TENM2: variants seen among roughly 807,000 people sequenced by gnomAD.
TENM2 encodes the protein teneurin transmembrane protein 2, also known as teneurin-2.
TENM2 carries 52 observed loss-of-function variants against 245.2 expected under a neutral mutation model. The ratio of observed to expected loss-of-function variants is 0.21; its 90% CI spans 0.17 to 0.27. The LOEUF (loss-of-function observed/expected upper bound fraction) is 0.27, where lower values mean the gene tolerates loss of function less well. Among genes scored for constraint, TENM2 ranks in the 10% least tolerant of loss-of-function variants. The pLI is 1.00. For synonymous variants in TENM2, 1,363 were observed against 1,438.9 expected (o/e 0.95, Z 1.19); for missense variants, 3,046 against 3,666.8 (o/e 0.83, Z 4.37).
intron 9 of TENM2, among the ~76,000 whole-genome samples, chr5:168,113,388 A>C (rs989380303): frequency 4.6e-5 from 7 of 152,152 alleles, no homozygotes; most frequent in Admixed American, 6.5e-5. Flanking sequence ...AATTTTTTAA[A>C]TACATTATTT....
intron 2 of TENM2, among the ~76,000 whole-genome samples, chr5:167,400,588 T>C (rs1426738723): frequency 6.6e-6 from 1 of 151,684 alleles, no homozygotes; most frequent in Admixed American, 6.6e-5. Context: ...AAGAAAACCA[T>C]CACCCATAGA....
At chr5:168,239,855 G>A (rs934920799) in intron 25 of TENM2, among the ~76,000 whole-genome samples, 1 of 151,996 alleles carries the variant, frequency 6.6e-6, no homozygotes, top group Non-Finnish European at 1.5e-5. Context: ...TAAAGATAAG[G>A]CCTTATATCA....
At chr5:167,886,380 C>T (rs1774292422) in intron 3 of TENM2, among the ~76,000 whole-genome samples, 1 of 152,158 alleles carries the variant, frequency 6.6e-6, no homozygotes, top group South Asian at 2.1e-4. Flanking sequence ...ATAGCATTTA[C>T]ATGGCCACAG....
chr5:167,445,337 A>ATATATATATATATATATATG (rs1491215308), intron 2 of TENM2, among the ~76,000 whole-genome samples: 1 of 76,638 alleles, frequency 1.3e-5, no homozygotes, highest in African/African-American at 5.2e-5. Flanking sequence ...ATATATATAT[A>ATATATATATATATATATATG]GAGAGAGAGA....
rs760931286 is a variant in TENM2, at chr5:168,218,830, C to G, written c.4939C>G (p.Arg1647Gly). ...CCGTCGGGACAGCAGTGGCATGCCC[C>G]GTCACCTGCTCATGCCTGACAACCA... Residue 1647 changes from arginine (R) to glycine (G), a missense_variant, in exon 23 of 29, where the codon CGT becomes GGT. Coordinates refer to ENST00000518659, the Ensembl canonical transcript of TENM2. The surrounding 1 kb of genome is among the most constrained non-coding windows in gnomAD (Gnocchi z 5.2). The G allele has an allele frequency of 6.2e-7, 1 of 1,614,018 alleles. No individual in the cohort carries two copies. Among genetic ancestry groups the G allele is most frequent in the Admixed American group, 1.7e-5 (1 of 60,030 alleles).
Position 168,196,484 on chromosome 5 carries a change from G to A in TENM2, c.2900+1189G>A, listed in dbSNP as rs542054207. Among the ~76,000 whole-genome samples, 14 of 152,148 alleles carry A rather than the reference G, an allele frequency of 9.2e-5. No homozygotes were observed. The South Asian group carries it at 1.0e-3, about 11-fold the overall frequency. ...TTGTTTGTTTGTTTGTTTTTGAGAC[G>A]GAGTCTCACTCTTCTTGCCCAGGCT... On this transcript the variant is annotated intron_variant, in intron 15 of 28. Coordinates refer to ENST00000518659, the Ensembl canonical transcript of TENM2.
In TENM2 at chr5:167,431,968, T is replaced by C. The variant is rs1264241186; in HGVS notation, c.502+56495T>C. On this transcript the variant is annotated intron_variant, in intron 2 of 28. Coordinates refer to ENST00000518659, the Ensembl canonical transcript of TENM2. ...ATATATGTATATATATATGTATATA[T>C]ATATATATATGGAAGTTCAATGCTT... Among the ~76,000 whole-genome samples, 4 of 136,960 alleles carry C rather than the reference T, an allele frequency of 2.9e-5. 1 individual carries two copies. The highest frequency in any genetic ancestry group is 1.1e-4 in the African/African-American group (4 of 36,598). The allele number at this position is 136,960 out of a possible 152,430, so 89.9% of individuals were successfully genotyped here. A position where few individuals can be genotyped will look rare whatever the true frequency, so the allele number is the denominator to read the frequency against.
chr5:167,411,567 G>A (rs936556124), intron 2 of TENM2, among the ~76,000 whole-genome samples: 4 of 120,804 alleles, frequency 3.3e-5, no homozygotes, highest in Non-Finnish European at 7.1e-5. Context: ...TGTATATGTA[G>A]GTGAGAGTGT....
At chr5:167,870,056 A>G (rs537287078) in intron 2 of TENM2, among the ~76,000 whole-genome samples, 22 of 152,236 alleles carry the variant, frequency 1.4e-4, no homozygotes, top group Non-Finnish European at 1.8e-4. Context: ...CAACTGTTTA[A>G]ATCCTCTTGC....
chr5:167,746,710 A>AGAGAGAGAGAGCGAGAGAGC (rs761614775), intron 2 of TENM2, among the ~76,000 whole-genome samples: 2 of 144,862 alleles, frequency 1.4e-5, no homozygotes, highest in Non-Finnish European at 3.0e-5. Context: ...AGAGAGAGAG[A>AGAGAGAGAGAGCGAGAGAGC]GAGAGCTGGA....
the TENM2 span, among the ~76,000 whole-genome samples, chr5:167,277,243 A>G: frequency 6.6e-6 from 1 of 151,888 alleles, no homozygotes; most frequent in Non-Finnish European, 1.5e-5. Flanking sequence ...CAGTGTATGC[A>G]TTTACTTCTA....
rs112660244 is a variant in TENM2, at chr5:167,941,548, T to C, written c.713-11040T>C. On this transcript the variant is annotated intron_variant, in intron 3 of 28. Transcript: ENST00000518659. The stretch of plus-strand genomic sequence containing the variant: ...TGGCAACAGAAAGTTTTTCAAGTCA[T>C]TGAAATAATAATCCTGGCTGGGTGT... 9.9e-3 allele frequency among the ~76,000 whole-genome samples: 1,511 copies of C among 152,182 alleles called. 28 individuals carry two copies. Among genetic ancestry groups the C allele is most frequent in the African/African-American group, 0.034 (1,413 of 41,506 alleles).
At chr5:167,695,681 C>T (rs1203381228) in intron 2 of TENM2, among the ~76,000 whole-genome samples, 1 of 151,508 alleles carries the variant, frequency 6.6e-6, no homozygotes, top group Admixed American at 6.6e-5. Context: ...TTATTTTACC[C>T]TCTATCTGTG....
chr5:168,222,977 G>C (rs913723742), intron 23 of TENM2, among the ~76,000 whole-genome samples: 1 of 152,212 alleles, frequency 6.6e-6, no homozygotes, highest in Non-Finnish European at 1.5e-5. Context: ...TCCAGCCAAG[G>C]CTGGGCCAGT....
intron 2 of TENM2, among the ~76,000 whole-genome samples, chr5:167,873,240 G>A (rs1045906994): frequency 1.3e-5 from 2 of 152,198 alleles, no homozygotes; most frequent in Admixed American, 6.5e-5. Context: ...GGATGATAGC[G>A]GCTGTAAATG....
intron 5 of TENM2, among the ~76,000 whole-genome samples, chr5:168,028,939 G>C (rs1002674898): frequency 3.9e-5 from 6 of 152,118 alleles, no homozygotes; most frequent in African/African-American, 1.2e-4. Context: ...ATTACTTTCT[G>C]TGCCCATGGT....
intron 2 of TENM2, among the ~76,000 whole-genome samples, chr5:167,806,693 T>C (rs1766202020): frequency 6.6e-6 from 1 of 152,130 alleles, no homozygotes; most frequent in African/African-American, 2.4e-5. Flanking sequence ...AAGATCACTC[T>C]CATTTTTTAT....
chr5:168,032,677 T>C (rs1197809596), intron 5 of TENM2, among the ~76,000 whole-genome samples: 1 of 152,172 alleles, frequency 6.6e-6, no homozygotes, highest in African/African-American at 2.4e-5. Context: ...GTCTTATGGT[T>C]TGCTTGTGTC....
In TENM2 at chr5:167,589,234, C is replaced by T. The variant is rs566005832; in HGVS notation, c.502+213761C>T. Among the ~76,000 whole-genome samples, 7 of 151,508 alleles carry T rather than the reference C, an allele frequency of 4.6e-5. No homozygotes were observed. In the South Asian group the frequency reaches 1.5e-3, roughly 32 times the overall value. On this transcript the variant is annotated intron_variant, in intron 2 of 28. Transcript: ENST00000518659. ...AAAAAAATTAATGATACTTAGGTTTCCATTAGAGAATGATATATTTACCAT... is the reference window on the plus strand; with the variant it reads ...AAAAAAATTAATGATACTTAGGTTTTCATTAGAGAATGATATATTTACCAT...
Sources: allele counts gnomAD v4.1 joint callset (sites outside exome capture counted in the v4.1 genomes callset), GRCh38; gene constraint gnomAD v4.1.1; non-coding constraint Gnocchi (gnomAD v3.1); transcripts MANE v1.5; gene names NCBI Gene and HGNC (gene_info 2026-07-23, HGNC 2026-07-21).